SLC25A4: variants seen among roughly 807,000 people sequenced by gnomAD.
The protein encoded by SLC25A4 is solute carrier family 25 member 4.
In SLC25A4, 10 loss-of-function variants were observed where a neutral mutation model predicts 24.7. The observed-to-expected ratio is 0.41, with a 90% CI of 0.25 to 0.69. The LOEUF (loss-of-function observed/expected upper bound fraction) is 0.69. Ranked by LOEUF, SLC25A4 falls within the 30% of genes least tolerant of loss-of-function variation. The pLI, the probability that SLC25A4 is intolerant of heterozygous loss-of-function variation, is 0.35. For missense variants in SLC25A4, 273 were observed against 387.6 expected, an observed-to-expected ratio of 0.70 and a Z score of 2.48; for synonymous variants, 125 against 153.3, an observed-to-expected ratio of 0.82 and a Z score of 1.36.
intron 1 of SLC25A4, among the ~76,000 whole-genome samples, chr4:185,144,316 C>T (rs1734398356): frequency 6.6e-6 from 1 of 152,126 alleles, no homozygotes. Context: ...AGTAGAGATC[C>T]TCATCTCCAG....
chr4:185,145,327 T>C lies in SLC25A4; in HGVS notation c.598+77T>C, dbSNP rs771576710. 1.0e-5 allele frequency: 16 copies of C among 1,598,444 alleles called. No homozygotes were observed. In the Admixed American group the frequency reaches 2.7e-4, roughly 27 times the overall value. ...TGGGATCTATAACTCACAAAGGACC[T>C]GATATATATTGATCTTGTTTTTTCT... On this transcript the variant is annotated intron_variant, in intron 2 of 3. Transcript: ENST00000281456. This position sits in a 1 kb window ranked among gnomAD's most constrained non-coding sequence, Gnocchi z 5.5.
Position 185,145,760 on chromosome 4 carries a change from G to A in SLC25A4, c.600G>A (p.Gly200=). The A allele has an allele frequency of 5.0e-6, 8 of 1,614,238 alleles. No individual in the cohort carries two copies. Among genetic ancestry groups the A allele is most frequent in the Non-Finnish European group, 6.8e-6 (8 of 1,180,042 alleles). Residue 200 remains glycine, a splice_region_variant and synonymous_variant, in exon 3 of 4, where the codon GGG becomes GGA. Coordinates refer to ENST00000281456, the MANE Select transcript of SLC25A4 (RefSeq NM_001151.4). This position sits in a 1 kb window ranked among gnomAD's most constrained non-coding sequence, Gnocchi z 5.5. ...TCGGCTTCTGGGCTCTGTCCACAGG[G>A]ATGCTGCCTGACCCCAAGAACGTGC... The part of the protein sequence containing the change: ...AYFGVYDTAK[G]MLPDPKNVHI...
rs199833605 is a variant in SLC25A4, at chr4:185,144,766, C to A, written c.114C>A (p.Val38=). The A allele has an allele frequency of 6.2e-7, 1 of 1,613,772 alleles. No homozygotes were observed. ...TCACCCACCCTCCCCTCCACCAGGT[C>A]CAGCATGCCAGCAAACAGATCAGTG... is the stretch of plus-strand genomic sequence containing the variant. The part of the protein sequence containing the change: ...PIERVKLLLQ[V]QHASKQISAE... The change falls in exon 2 of 4, where the codon GTC becomes GTA. Residue 38 remains valine, a splice_region_variant and synonymous_variant. Transcript: ENST00000281456.
chr4:185,143,359 G>A lies in SLC25A4; in HGVS notation c.-14G>A. On this transcript the variant is annotated 5_prime_UTR_variant, in exon 1 of 4. Coordinates refer to ENST00000281456, the MANE Select transcript of SLC25A4 (RefSeq NM_001151.4). The stretch of plus-strand genomic sequence containing the variant: ...AACGGGCTGCCTGCGGGCTGAGAGC[G>A]TCGAGCTGTCACCATGGGTGATCAC... The A allele has an allele frequency of 6.8e-7, 1 of 1,478,234 alleles. No individual in the cohort carries two copies. Among genetic ancestry groups the A allele is most frequent in the Non-Finnish European group, 9.2e-7 (1 of 1,088,170 alleles). The allele number at this position is 1,478,234 out of a possible 1,614,324, so 91.6% of individuals were successfully genotyped here.
At position 185,145,939 on chromosome 4, in the gene SLC25A4, GC is replaced by G; in HGVS notation, c.739+43del. On this transcript the variant is annotated intron_variant, in intron 3 of 3. Transcript: ENST00000281456. The surrounding 1 kb of genome is among the most constrained non-coding windows in gnomAD (Gnocchi z 5.5). ...TACTCATCTAAACTTGTTTGGTTTTGCCCGAGGAGAACATTTTACAGGGCTC... is the reference window on the plus strand; with the variant it reads ...TACTCATCTAAACTTGTTTGGTTTTGCCGAGGAGAACATTTTACAGGGCTC... 1.2e-6 allele frequency: 2 copies of G among 1,612,482 alleles called. No homozygotes were observed. Among genetic ancestry groups the G allele is most frequent in the Non-Finnish European group, 1.7e-6 (2 of 1,179,222 alleles).
Position 185,143,278 on chromosome 4 carries a change from T to C in SLC25A4, c.-95T>C, listed in dbSNP as rs1734375829. The stretch of plus-strand genomic sequence containing the variant: ...CGGGCCAGGCGGCGGCCCCCTAGCG[T>C]CGCGCAGGGTCGGGGACTGCGCGGC... On this transcript the variant is annotated 5_prime_UTR_variant, in exon 1 of 4. Transcript: ENST00000281456. The C allele has an allele frequency of 1.5e-6, 1 of 651,746 alleles. No individual in the cohort carries two copies. The highest frequency in any genetic ancestry group is 2.7e-6 in the Non-Finnish European group (1 of 372,286). The allele number at this position is 651,746 out of a possible 1,614,324, so 40.4% of individuals were successfully genotyped here.
Position 185,144,956 on chromosome 4 carries a change from G to GGT in SLC25A4, c.308_309dup (p.Asp104TrpfsTer68). 6.2e-7 allele frequency: 1 copy of GGT among 1,614,170 alleles called. No individual in the cohort carries two copies. Among genetic ancestry groups the GGT allele is most frequent in the South Asian group, 1.1e-5 (1 of 91,070 alleles). On this transcript the variant is annotated frameshift_variant, in exon 2 of 4. Transcript: ENST00000281456. LOFTEE classifies it high-confidence loss of function. ...CAAGTACAAGCAGCTCTTCTTAGGGGGTGTGGATCGGCATAAGCAGTTCTG... is the reference window on the plus strand; with the variant it reads ...CAAGTACAAGCAGCTCTTCTTAGGGGGTGTGTGGATCGGCATAAGCAGTTCTG...
At position 185,146,914 on chromosome 4, in the gene SLC25A4, A is replaced by G. The variant is rs2111287655; in HGVS notation, c.840A>G (p.Arg280=). The change falls in exon 4 of 4, where the codon AGA becomes AGG. Residue 280 remains arginine (R), a synonymous_variant. Transcript: ENST00000281456. ...FFKGAWSNVL[R]GMGGAFVLVL... ...AAGGTGCCTGGTCCAATGTGCTGAG[A>G]GGCATGGGCGGTGCTTTTGTATTGG... 6.2e-7 allele frequency: 1 copy of G among 1,614,186 alleles called. No individual in the cohort carries two copies. The highest frequency in any genetic ancestry group is 1.7e-4 in the Middle Eastern group (1 of 6,060).
At chr4:185,143,751 CG>C (rs1215315711) in intron 1 of SLC25A4, among the ~76,000 whole-genome samples, 1 of 152,032 alleles carries the variant, frequency 6.6e-6, no homozygotes, top group Non-Finnish European at 1.5e-5. Context: ...AGCCGGTTTA[CG>C]TGTGCCAGAT....
rs1220337394 is a variant in SLC25A4 at position 185,145,595 on chromosome 4, CA to C, written c.599-163del. On this transcript the variant is annotated intron_variant, in intron 2 of 3. Coordinates refer to ENST00000281456, the MANE Select transcript of SLC25A4 (RefSeq NM_001151.4). The surrounding 1 kb of genome is among the most constrained non-coding windows in gnomAD (Gnocchi z 5.5). ...TCCGGGGTCCGGAGAGGGCAGCAGCCACCTTTGCTGTCTGCCTGGTCATATG... is the reference window on the plus strand; with the variant it reads ...TCCGGGGTCCGGAGAGGGCAGCAGCCCCTTTGCTGTCTGCCTGGTCATATG... 2.4e-6 allele frequency: 2 copies of C among 849,562 alleles called. No individual in the cohort carries two copies. Among genetic ancestry groups the C allele is most frequent in the East Asian group, 5.3e-5 (2 of 37,914 alleles). The allele number at this position is 849,562 out of a possible 1,614,324, so 52.6% of individuals were successfully genotyped here.
rs902203084 is a variant in SLC25A4, at chr4:185,148,635, C to G, written c.*1664C>G. On this transcript the variant is annotated 3_prime_UTR_variant, in exon 4 of 4. Coordinates refer to ENST00000281456, the MANE Select transcript of SLC25A4 (RefSeq NM_001151.4). ...CTCCAGTACTTCTGTAACAATTTAT[C>G]AAGACCTACAGGAAGTCAGTTTTGG... 3.9e-5 allele frequency: 6 copies of G among 152,056 alleles called. No homozygotes were observed. The highest frequency in any genetic ancestry group is 8.8e-5 in the Non-Finnish European group (6 of 68,008). 9.4% of individuals were successfully genotyped at this position (152,056 alleles called of 1,614,324 possible). A position where few individuals can be genotyped will look rare whatever the true frequency, so the allele number is the denominator to read the frequency against.
chr4:185,145,740 T>C lies in SLC25A4; in HGVS notation c.599-19T>C. On this transcript the variant is annotated intron_variant, in intron 2 of 3. Coordinates refer to ENST00000281456, the MANE Select transcript of SLC25A4 (RefSeq NM_001151.4). This position sits in a 1 kb window ranked among gnomAD's most constrained non-coding sequence, Gnocchi z 5.5. ...AACAGGCACTTCATAGCCGTTCGGCTTCTGGGCTCTGTCCACAGGGATGCT... is the reference window on the plus strand; with the variant it reads ...AACAGGCACTTCATAGCCGTTCGGCCTCTGGGCTCTGTCCACAGGGATGCT... 6.2e-7 allele frequency: 1 copy of C among 1,614,150 alleles called. No homozygotes were observed. The highest frequency in any genetic ancestry group is 1.1e-5 in the South Asian group (1 of 91,084).
At position 185,148,769 on chromosome 4, in the gene SLC25A4, T is replaced by C. The variant is rs973488824; in HGVS notation, c.*1798T>C. The C allele has an allele frequency of 1.3e-5, 2 of 152,204 alleles. No homozygotes were observed. The highest frequency in any genetic ancestry group is 4.8e-5 in the African/African-American group (2 of 41,464). The allele number at this position is 152,204 out of a possible 1,614,324, so 9.4% of individuals were successfully genotyped here. On this transcript the variant is annotated 3_prime_UTR_variant, in exon 4 of 4. Transcript: ENST00000281456. ...CAAGCAGTTGCTATAGTCTCCTGGATTGTGACTAATCTGGAGGAAGCAAGT... is the reference window on the plus strand; with the variant it reads ...CAAGCAGTTGCTATAGTCTCCTGGACTGTGACTAATCTGGAGGAAGCAAGT...
Position 185,145,332 on chromosome 4 carries a change from T to C in SLC25A4, c.598+82T>C, listed in dbSNP as rs1384580958. 3 of 1,597,194 alleles carry C rather than the reference T, an allele frequency of 1.9e-6. No individual in the cohort carries two copies. The highest frequency in any genetic ancestry group is 1.1e-5 in the South Asian group (1 of 89,938). The stretch of plus-strand genomic sequence containing the variant: ...TCTATAACTCACAAAGGACCTGATA[T>C]ATATTGATCTTGTTTTTTCTAGTCT... On this transcript the variant is annotated intron_variant, in intron 2 of 3. Transcript: ENST00000281456. The surrounding 1 kb of genome is among the most constrained non-coding windows in gnomAD (Gnocchi z 5.5).
Position 185,145,728 on chromosome 4 carries a change from T to C in SLC25A4, c.599-31T>C, listed in dbSNP as rs1390369393. The C allele has an allele frequency of 2.5e-6, 4 of 1,614,032 alleles. No homozygotes were observed. Among genetic ancestry groups the C allele is most frequent in the Non-Finnish European group, 3.4e-6 (4 of 1,179,886 alleles). Reference sequence around the variant, plus strand: ...CTTTCTGCTGAGAACAGGCACTTCATAGCCGTTCGGCTTCTGGGCTCTGTC... The same window carrying C: ...CTTTCTGCTGAGAACAGGCACTTCACAGCCGTTCGGCTTCTGGGCTCTGTC... On this transcript the variant is annotated intron_variant, in intron 2 of 3. Coordinates refer to ENST00000281456, the MANE Select transcript of SLC25A4 (RefSeq NM_001151.4). The surrounding 1 kb of genome is among the most constrained non-coding windows in gnomAD (Gnocchi z 5.5).
chr4:185,143,550 G>A, intron 1 of SLC25A4, 67 bp downstream of exon 1: 2 of 564,826 alleles, frequency 3.5e-6, no homozygotes, highest in Non-Finnish European at 2.3e-6. Context: ...GCGATGCGGC[G>A]CGAGCTGCAG....
At position 185,145,869 on chromosome 4, in the gene SLC25A4, A is replaced by C. The variant is rs775550324; in HGVS notation, c.709A>C (p.Arg237=). 14 of 1,614,250 alleles carry C rather than the reference A, an allele frequency of 8.7e-6. No individual in the cohort carries two copies. The East Asian group carries it at 2.9e-4, about 33-fold the overall frequency. ...VSYPFDTVRR[R]MMMQSGRKGA... ...CTACCCCTTTGACACTGTTCGTCGT[A>C]GAATGATGATGCAGTCCGGCCGGAA... Residue 237 remains arginine, a synonymous_variant, in exon 3 of 4, where the codon AGA becomes CGA. Coordinates refer to ENST00000281456, the MANE Select transcript of SLC25A4 (RefSeq NM_001151.4). The surrounding 1 kb of genome is among the most constrained non-coding windows in gnomAD (Gnocchi z 5.5).
Position 185,147,029 on chromosome 4 carries a change from TCCA to T in SLC25A4, c.*59_*61del. On this transcript the variant is annotated 3_prime_UTR_variant, in exon 4 of 4. Transcript: ENST00000281456. ...TGAACTTGATCTACAAGTTCACAGA[TCCA>T]TTGTGTGGTTTAATAGACTATTCCT... 1 of 1,514,042 alleles carries T rather than the reference TCCA, an allele frequency of 6.6e-7. No individual in the cohort carries two copies. Among genetic ancestry groups the T allele is most frequent in the Non-Finnish European group, 9.1e-7 (1 of 1,095,160 alleles). 93.8% of individuals were successfully genotyped at this position (1,514,042 alleles called of 1,614,324 possible).
chr4:185,150,126 T>G lies in SLC25A4; in HGVS notation c.*3155T>G, dbSNP rs1193508025. 2.0e-5 allele frequency: 3 copies of G among 152,264 alleles called. No homozygotes were observed. The highest frequency in any genetic ancestry group is 2.9e-5 in the Non-Finnish European group (2 of 68,054). 9.4% of individuals were successfully genotyped at this position (152,264 alleles called of 1,614,324 possible). A position where few individuals can be genotyped will look rare whatever the true frequency, so the allele number is the denominator to read the frequency against. ...AGCTTATCTTCCACACCTGGTACAG[T>G]GCCCAGGACAGAGAAGGTGTTTAGC... On this transcript the variant is annotated 3_prime_UTR_variant, in exon 4 of 4. Coordinates refer to ENST00000281456, the MANE Select transcript of SLC25A4 (RefSeq NM_001151.4).
Sources: gnomAD v4.1 joint callset for allele counts (sites outside exome capture counted in the v4.1 genomes callset) on GRCh38, gnomAD v4.1.1 for gene constraint, Gnocchi (gnomAD v3.1) non-coding constraint, MANE v1.5 for transcripts, NCBI Gene and HGNC (gene_info 2026-07-23, HGNC 2026-07-21) for gene names.